Variants in ARHGDIG observed in about 807,000 individuals in gnomAD.
The protein encoded by ARHGDIG is rho GDP-dissociation inhibitor 3.
In ARHGDIG, 14 loss-of-function variants were observed where a neutral mutation model predicts 20.2. The observed-to-expected ratio is 0.69, with a 90% CI of 0.46 to 1.08. ARHGDIG has a LOEUF of 1.08. Among genes scored for constraint, ARHGDIG ranks in the 50% least tolerant of loss-of-function variants. The pLI, the probability that ARHGDIG is intolerant of heterozygous loss-of-function variation, is 0.00. For missense variants in ARHGDIG, 311 were observed against 301.8 expected, an observed-to-expected ratio of 1.03 and a Z score of -0.23; for synonymous variants, 193 against 138.6, an observed-to-expected ratio of 1.39 and a Z score of -2.76.
intron 5 of ARHGDIG, 33 bp from the exon 6 acceptor site, chr16:282,582 A>C (rs1253129827): frequency 6.4e-7 from 1 of 1,564,616 alleles, no homozygotes; most frequent in South Asian, 1.2e-5. Flanking sequence ...GGGGGCAGAC[A>C]GAGGACAGCT....
At chr16:281,959 C>G (rs8063732) in intron 2 of ARHGDIG, 34 bp downstream of exon 2, 83 of 1,294,526 alleles carry the variant, frequency 6.4e-5, no homozygotes, top group Non-Finnish European at 8.4e-5. Context: ...AGGGCTGGGT[C>G]TGGGGGGCTG....
chr16:281,203 C>T (rs1198743823), intron 1 of ARHGDIG: 1 of 153,750 alleles, frequency 6.5e-6, no homozygotes, highest in Non-Finnish European at 1.4e-5. Context: ...GAGACAGCCG[C>T]CCCCGGCACC....
At position 280,768 on chromosome 16, in the gene ARHGDIG, C is replaced by T. The variant is rs1182464094; in HGVS notation, c.73+15C>T. On this transcript the variant is annotated intron_variant, in intron 1 of 5. Transcript: ENST00000219409. The surrounding 1 kb of genome is among the most constrained non-coding windows in gnomAD (Gnocchi z 6.6). The stretch of plus-strand genomic sequence containing the variant: ...GTGCGCCCGAGGTGAGCGGGCCGGG[C>T]AGGGGCGGGGGGCTCGGCTGGTCTC... 7.8e-7 allele frequency: 1 copy of T among 1,275,144 alleles called. No individual in the cohort carries two copies. Among genetic ancestry groups the T allele is most frequent in the Non-Finnish European group, 9.9e-7 (1 of 1,010,226 alleles). 79.0% of individuals were successfully genotyped at this position (1,275,144 alleles called of 1,614,324 possible). A position where few individuals can be genotyped will look rare whatever the true frequency, so the allele number is the denominator to read the frequency against.
At chr16:282,558 C>CGGGGGGGGGGGAAAGGGGGGG in intron 5 of ARHGDIG, 28 bp downstream of exon 5, 2 of 1,310,078 alleles carry the variant, frequency 1.5e-6, no homozygotes, top group Admixed American at 2.5e-5. Flanking sequence ...GGGAACGGGG[C>CGGGGGGGGGGGAAAGGGGGGG]GGGGGGGGGA....
chr16:280,613 G>A lies in ARHGDIG; in HGVS notation c.-68G>A, dbSNP rs1281318301. 29 of 779,296 alleles carry A rather than the reference G, an allele frequency of 3.7e-5. No individual in the cohort carries two copies. The highest frequency in any genetic ancestry group is 4.5e-5 in the Non-Finnish European group (29 of 645,328). The allele number at this position is 779,296 out of a possible 1,614,324, so 48.3% of individuals were successfully genotyped here. On this transcript the variant is annotated 5_prime_UTR_variant, in exon 1 of 6. Transcript: ENST00000219409. The surrounding 1 kb of genome is among the most constrained non-coding windows in gnomAD (Gnocchi z 6.6). ...CGCAGTCGCGCCGGGGCTGAGCGCC[G>A]AGCGGGGCGGCGGCGGGGCGGGCGG... is the stretch of plus-strand genomic sequence containing the variant.
chr16:281,767 G>A lies in ARHGDIG; in HGVS notation c.95G>A (p.Gly32Asp), dbSNP rs764978508. The A allele has an allele frequency of 6.2e-7, 1 of 1,601,280 alleles. No homozygotes were observed. Among genetic ancestry groups the A allele is most frequent in the South Asian group, 1.1e-5 (1 of 90,078 alleles). ...CARVLLADKE[G>D]GPPAVDEVLD... The stretch of plus-strand genomic sequence containing the variant: ...CCAGTCCTCCTGGCTGACAAGGAGG[G>A]TGGGCCGCCGGCAGTGGACGAGGTG... Residue 32 changes from glycine (G) to aspartate (D), a missense_variant, in exon 2 of 6, where the codon GGT becomes GAT. By Grantham distance (94) the Gly-to-Asp change is moderately conservative (BLOSUM62 -1). Coordinates refer to ENST00000219409, the MANE Select transcript of ARHGDIG (RefSeq NM_001176.4).
chr16:281,948 G>A (rs757699880), intron 2 of ARHGDIG, 23 bp downstream of exon 2: 13 of 1,600,704 alleles, frequency 8.1e-6, no homozygotes, highest in African/African-American at 1.3e-5. Flanking sequence ...TCTAGGCTTG[G>A]AGGGCTGGGT....
intron 1 of ARHGDIG, 128 bp from the exon 2 acceptor site, chr16:281,618 G>GC (rs1382920338): frequency 2.6e-6 from 3 of 1,135,146 alleles, no homozygotes; most frequent in Non-Finnish European, 3.6e-6. Flanking sequence ...CTCTCCCTGA[G>GC]CCCCCAGAGG....
In ARHGDIG at chr16:280,893, G is replaced by T. The variant is rs111494784; in HGVS notation, c.73+140G>T. 1 of 379,642 alleles carries T rather than the reference G, an allele frequency of 2.6e-6. No individual in the cohort carries two copies. The allele number at this position is 379,642 out of a possible 1,614,324, so 23.5% of individuals were successfully genotyped here. A position where few individuals can be genotyped will look rare whatever the true frequency, so the allele number is the denominator to read the frequency against. ...CCCGGCTGGGGTCTGGCAGGGGTGG[G>T]GGACTTCATCCAGGCTCCAGCCCTG... is the stretch of plus-strand genomic sequence containing the variant. On this transcript the variant is annotated intron_variant, in intron 1 of 5. Coordinates refer to ENST00000219409, the MANE Select transcript of ARHGDIG (RefSeq NM_001176.4). This position sits in a 1 kb window ranked among gnomAD's most constrained non-coding sequence, Gnocchi z 6.6.
In ARHGDIG at chr16:280,823, G is replaced by C. The variant is rs146218748; in HGVS notation, c.73+70G>C. ...CCGGGCGGGGAGTAGCCCCTCCCCC[G>C]CGGCAACTTTGGGGGCGCGCATGGG... is the stretch of plus-strand genomic sequence containing the variant. On this transcript the variant is annotated intron_variant, in intron 1 of 5. Transcript: ENST00000219409. This position sits in a 1 kb window ranked among gnomAD's most constrained non-coding sequence, Gnocchi z 6.6. The C allele has an allele frequency of 0.043, 48,026 of 1,109,534 alleles. 1,168 individuals are homozygous for C. The highest frequency in any genetic ancestry group is 0.05 in the Admixed American group (1,018 of 20,200). The allele number at this position is 1,109,534 out of a possible 1,614,324, so 68.7% of individuals were successfully genotyped here.
chr16:281,718 T>C (rs1310019255), intron 1 of ARHGDIG, 28 bp from the exon 2 acceptor site: 1 of 1,538,706 alleles, frequency 6.5e-7, no homozygotes, highest in South Asian at 1.2e-5. Flanking sequence ...CGCTAGTGGC[T>C]GCTGCTCACG....
At position 282,990 on chromosome 16, in the gene ARHGDIG, C is replaced by T; in HGVS notation, c.*176C>T. On this transcript the variant is annotated 3_prime_UTR_variant, in exon 6 of 6. Coordinates refer to ENST00000219409, the MANE Select transcript of ARHGDIG (RefSeq NM_001176.4). ...CTGTCCCCTGAGCTGTCCCATTAAA[C>T]ATGGCCCTGTCTCTCTCGGTGCCCT... 3.5e-6 allele frequency: 3 copies of T among 850,628 alleles called. No homozygotes were observed. Among genetic ancestry groups the T allele is most frequent in the South Asian group, 1.9e-5 (1 of 53,338 alleles). The allele number at this position is 850,628 out of a possible 1,614,324, so 52.7% of individuals were successfully genotyped here.
At position 280,781 on chromosome 16, in the gene ARHGDIG, C is replaced by T; in HGVS notation, c.73+28C>T. The T allele has an allele frequency of 1.6e-6, 2 of 1,250,832 alleles. No homozygotes were observed. The highest frequency in any genetic ancestry group is 2.3e-5 in the South Asian group (1 of 44,356). 77.5% of individuals were successfully genotyped at this position (1,250,832 alleles called of 1,614,324 possible). A position where few individuals can be genotyped will look rare whatever the true frequency, so the allele number is the denominator to read the frequency against. ...GAGCGGGCCGGGCAGGGGCGGGGGG[C>T]TCGGCTGGTCTCAGCCCCGGGCGGG... is the stretch of plus-strand genomic sequence containing the variant. On this transcript the variant is annotated intron_variant, in intron 1 of 5. Coordinates refer to ENST00000219409, the MANE Select transcript of ARHGDIG (RefSeq NM_001176.4). The surrounding 1 kb of genome is among the most constrained non-coding windows in gnomAD (Gnocchi z 6.6).
chr16:280,880 C>A lies in ARHGDIG; in HGVS notation c.73+127C>A. 2.2e-6 allele frequency: 1 copy of A among 451,432 alleles called. No individual in the cohort carries two copies. The highest frequency in any genetic ancestry group is 3.2e-6 in the Non-Finnish European group (1 of 312,940). 28.0% of individuals were successfully genotyped at this position (451,432 alleles called of 1,614,324 possible). ...GCGGCGCCGACCCCCCGGCTGGGGT[C>A]TGGCAGGGGTGGGGGACTTCATCCA... On this transcript the variant is annotated intron_variant, in intron 1 of 5. Transcript: ENST00000219409. This position sits in a 1 kb window ranked among gnomAD's most constrained non-coding sequence, Gnocchi z 6.6.
At position 282,121 on chromosome 16, in the gene ARHGDIG, A is replaced by G. The variant is rs1567247963; in HGVS notation, c.337+13A>G. 2 of 1,612,814 alleles carry G rather than the reference A, an allele frequency of 1.2e-6. No homozygotes were observed. Among genetic ancestry groups the G allele is most frequent in the Non-Finnish European group, 8.5e-7 (1 of 1,179,904 alleles). On this transcript the variant is annotated intron_variant, in intron 3 of 5. Transcript: ENST00000219409. Reference sequence around the variant, plus strand: ...ATGGATCTCACAGGTAACTCGCAGGATGCTGCACCCTGAACACAGGTAGGG... The same window carrying G: ...ATGGATCTCACAGGTAACTCGCAGGGTGCTGCACCCTGAACACAGGTAGGG...
rs538298110 is a variant in ARHGDIG at position 280,627 on chromosome 16, C to T, written c.-54C>T. 28 of 834,414 alleles carry T rather than the reference C, an allele frequency of 3.4e-5. No individual in the cohort carries two copies. The African/African-American group carries it at 4.8e-4, about 14-fold the overall frequency. The allele number at this position is 834,414 out of a possible 1,614,324, so 51.7% of individuals were successfully genotyped here. Reference sequence around the variant, plus strand: ...GGCTGAGCGCCGAGCGGGGCGGCGGCGGGGCGGGCGGCGGCTCCTCGGCGG... The same window carrying T: ...GGCTGAGCGCCGAGCGGGGCGGCGGTGGGGCGGGCGGCGGCTCCTCGGCGG... On this transcript the variant is annotated 5_prime_UTR_variant, in exon 1 of 6. Transcript: ENST00000219409. The surrounding 1 kb of genome is among the most constrained non-coding windows in gnomAD (Gnocchi z 6.6).
rs2052298257 is a variant in ARHGDIG, at chr16:282,544, T to TG, written c.478+20dup. 1.7e-5 allele frequency: 5 copies of TG among 289,618 alleles called. No homozygotes were observed. Among genetic ancestry groups the TG allele is most frequent in the Middle Eastern group, 1.0e-3 (1 of 970 alleles). 17.9% of individuals were successfully genotyped at this position (289,618 alleles called of 1,614,324 possible). ...GGGGCCTGCGCGGTGAGGGCAGCGG[T>TG]GGGGGGAACGGGGCGGGGGGGGGAA... On this transcript the variant is annotated intron_variant, in intron 5 of 5. Coordinates refer to ENST00000219409, the MANE Select transcript of ARHGDIG (RefSeq NM_001176.4).
Position 280,909 on chromosome 16 carries a change from TC to T in ARHGDIG, c.73+158del. On this transcript the variant is annotated intron_variant, in intron 1 of 5. Coordinates refer to ENST00000219409, the MANE Select transcript of ARHGDIG (RefSeq NM_001176.4). This position sits in a 1 kb window ranked among gnomAD's most constrained non-coding sequence, Gnocchi z 6.6. ...CAGGGGTGGGGGACTTCATCCAGGC[TC>T]CAGCCCTGTGGGGAAGGGACCAGGT... is the stretch of plus-strand genomic sequence containing the variant. The T allele has an allele frequency of 3.0e-6, 1 of 327,960 alleles. No individual in the cohort carries two copies. Among genetic ancestry groups the T allele is most frequent in the Non-Finnish European group, 5.1e-6 (1 of 195,472 alleles). 20.3% of individuals were successfully genotyped at this position (327,960 alleles called of 1,614,324 possible).
chr16:281,887 A>C lies in ARHGDIG; in HGVS notation c.215A>C (p.Tyr72Ser). The C allele has an allele frequency of 6.2e-7, 1 of 1,609,304 alleles. No homozygotes were observed. The highest frequency in any genetic ancestry group is 1.1e-5 in the South Asian group (1 of 91,058). Residue 72 changes from tyrosine to serine, a missense_variant, in exon 2 of 6, where the codon TAC becomes TCC. Tyr to Ser is a moderately radical substitution (Grantham distance 144). Transcript: ENST00000219409. ...LDPDDRSLAK[Y>S]KRVLLGPLPP... ...CCGGACGACAGGAGCCTGGCCAAGTACAAGCGGGTGCTGCTGGGGCCCCTG... is the reference window on the plus strand; with the variant it reads ...CCGGACGACAGGAGCCTGGCCAAGTCCAAGCGGGTGCTGCTGGGGCCCCTG...
Sources: allele counts gnomAD v4.1 joint callset, GRCh38; gene constraint gnomAD v4.1.1; non-coding constraint Gnocchi (gnomAD v3.1); transcripts MANE v1.5; gene names NCBI Gene and HGNC (gene_info 2026-07-23, HGNC 2026-07-21).